LURAP1L: variants seen among roughly 807,000 people sequenced by gnomAD.
The protein encoded by LURAP1L is leucine rich adaptor protein 1-like.
A neutral mutation model predicts 13.8 loss-of-function variants in LURAP1L; 12 were observed. That is an observed-to-expected ratio of 0.87 (90% confidence interval 0.56 to 1.41). LURAP1L has a LOEUF of 1.41. LURAP1L is among the 40% of genes most tolerant of loss of function. The pLI is 0.00. For synonymous variants in LURAP1L, 139 were observed against 119.2 expected, an observed-to-expected ratio of 1.17 and a Z score of -1.08; for missense variants, 375 against 292.9, an observed-to-expected ratio of 1.28 and a Z score of -2.04.
chr9:12,780,671 C>T (rs10809843), intron 1 of LURAP1L, among the ~76,000 whole-genome samples: 117,613 of 151,932 alleles, frequency 0.77, 46,832 homozygotes, highest in Non-Finnish European at 0.88. Context: ...TGTGAACGAA[C>T]ATTTTTATAG....
intron 1 of LURAP1L, among the ~76,000 whole-genome samples, chr9:12,804,346 ATT>A (rs5896539): frequency 1.4e-5 from 2 of 141,438 alleles, no homozygotes; most frequent in African/African-American, 2.6e-5. Flanking sequence ...TTGTTATCTG[ATT>A]TTTTTTTTTT....
At chr9:12,784,009 A>G (rs981621099) in intron 1 of LURAP1L, among the ~76,000 whole-genome samples, 2 of 152,112 alleles carry the variant, frequency 1.3e-5, no homozygotes, top group African/African-American at 4.8e-5. Flanking sequence ...GTTTAGCTCC[A>G]GAATTTCAGC....
At chr9:12,793,863 A>T (rs114173555) in intron 1 of LURAP1L, among the ~76,000 whole-genome samples, 1 of 152,076 alleles carries the variant, frequency 6.6e-6, no homozygotes, top group Admixed American at 6.6e-5. Flanking sequence ...TTTAATTAAT[A>T]AATAAAATGA....
intron 1 of LURAP1L, among the ~76,000 whole-genome samples, chr9:12,781,767 T>C (rs1211604152): frequency 2.0e-5 from 3 of 152,188 alleles, no homozygotes; most frequent in African/African-American, 7.2e-5. Flanking sequence ...CTCCTGAGTA[T>C]ATACCTAGTA....
At chr9:12,821,301 C>A in intron 1 of LURAP1L, 85 bp from the exon 2 acceptor site, 1 of 1,423,076 alleles carries the variant, frequency 7.0e-7, no homozygotes, top group Non-Finnish European at 9.5e-7. Context: ...AAATTCTGAA[C>A]TGCAGCAGAC....
intron 1 of LURAP1L, 152 bp from the exon 2 acceptor site, chr9:12,821,234 G>C: frequency 2.3e-6 from 2 of 864,980 alleles, no homozygotes; most frequent in Non-Finnish European, 3.6e-6. Flanking sequence ...CCATCAGTCA[G>C]CAATTATCAA....
intron 1 of LURAP1L, among the ~76,000 whole-genome samples, chr9:12,786,544 TGAC>T (rs1240071837): frequency 2.1e-4 from 4 of 19,280 alleles, no homozygotes; most frequent in African/African-American, 9.2e-4. Flanking sequence ...TGTATATATA[TGAC>T]ATATATATAT....
chr9:12,798,822 G>T (rs1819545610), intron 1 of LURAP1L, among the ~76,000 whole-genome samples: 1 of 152,122 alleles, frequency 6.6e-6, no homozygotes, highest in African/African-American at 2.4e-5. Flanking sequence ...TTGTATTTCT[G>T]TATCAGCAAA....
At chr9:12,798,968 C>T (rs796239374) in intron 1 of LURAP1L, among the ~76,000 whole-genome samples, 21 of 152,262 alleles carry the variant, frequency 1.4e-4, no homozygotes, top group African/African-American at 4.6e-4. Flanking sequence ...TGTAGAATTG[C>T]TTCTTTCTTG....
intron 1 of LURAP1L, among the ~76,000 whole-genome samples, chr9:12,812,428 T>A (rs1819749387): frequency 6.6e-6 from 1 of 152,210 alleles, no homozygotes; most frequent in Admixed American, 6.5e-5. Context: ...AGAGATTGCT[T>A]CCTCACTTAT....
At chr9:12,786,865 T>C (rs899770474) in intron 1 of LURAP1L, among the ~76,000 whole-genome samples, 1 of 151,986 alleles carries the variant, frequency 6.6e-6, no homozygotes, top group Non-Finnish European at 1.5e-5. Flanking sequence ...TGGGAAGGCA[T>C]AGAATCAGGG....
intron 1 of LURAP1L, among the ~76,000 whole-genome samples, chr9:12,806,676 A>G (rs1296475150): frequency 2.0e-5 from 3 of 152,074 alleles, no homozygotes; most frequent in Admixed American, 1.3e-4. Context: ...AATTTTGAAA[A>G]TTTTGAAAAT....
rs142032974 is a variant in LURAP1L, at chr9:12,784,809, G to A, written c.312+8782G>A. On this transcript the variant is annotated intron_variant, in intron 1 of 1. Transcript: ENST00000319264. ...AGTTCCCTTCTGGCCCAGGGTGGGT[G>A]TAGAAATGCTGTCTGGGAGGGAGGG... 2.5e-3 allele frequency among the ~76,000 whole-genome samples: 368 copies of A among 147,582 alleles called. 1 individual carries two copies. The highest frequency in any genetic ancestry group is 8.8e-3 in the African/African-American group (353 of 39,904).
At chr9:12,785,771 G>C (rs1310351557) in intron 1 of LURAP1L, among the ~76,000 whole-genome samples, 1 of 152,184 alleles carries the variant, frequency 6.6e-6, no homozygotes, top group Non-Finnish European at 1.5e-5. Context: ...CAATACAAGA[G>C]TCTTTTCTGC....
chr9:12,776,107 G>T, intron 1 of LURAP1L, 80 bp downstream of exon 1: 10 of 1,413,458 alleles, frequency 7.1e-6, no homozygotes, highest in South Asian at 1.2e-5. Context: ...GGGGCTGGGA[G>T]AGAGGACGGC....
In LURAP1L at chr9:12,775,047, GGAA is replaced by G. The variant is rs533129792; in HGVS notation, c.-664_-662del. 23 of 152,336 alleles carry G rather than the reference GGAA, an allele frequency of 1.5e-4. No individual in the cohort carries two copies. The highest frequency in any genetic ancestry group is 5.3e-4 in the African/African-American group (22 of 41,564). 9.4% of individuals were successfully genotyped at this position (152,336 alleles called of 1,614,324 possible). ...TGACTTGGATCAAACAGCCTAAATG[GGAA>G]GAAGGACATTTTTGCTGCATCAAGG... On this transcript the variant is annotated 5_prime_UTR_variant, in exon 1 of 2. Transcript: ENST00000319264.
At position 12,821,445 on chromosome 9, in the gene LURAP1L, C is replaced by T. The variant is rs1819878852; in HGVS notation, c.372C>T (p.Ser124=). 2 of 1,614,012 alleles carry T rather than the reference C, an allele frequency of 1.2e-6. No individual in the cohort carries two copies. Among genetic ancestry groups the T allele is most frequent in the South Asian group, 2.2e-5 (2 of 91,086 alleles). ...LMRQLLVINE[S]IESIKWMIEE... ...GCCAGTTGCTTGTAATCAATGAGAGCATCGAGTCCATCAAGTGGATGATCG... is the reference window on the plus strand; with the variant it reads ...GCCAGTTGCTTGTAATCAATGAGAGTATCGAGTCCATCAAGTGGATGATCG... The change falls in exon 2 of 2, where the codon AGC becomes AGT. Residue 124 remains serine (S), a synonymous_variant. Coordinates refer to ENST00000319264, the MANE Select transcript of LURAP1L (RefSeq NM_203403.2).
chr9:12,794,887 G>C (rs1422931815), intron 1 of LURAP1L, among the ~76,000 whole-genome samples: 1 of 151,818 alleles, frequency 6.6e-6, no homozygotes, highest in Non-Finnish European at 1.5e-5. Context: ...AAGTAATACA[G>C]ATGATGTGGA....
Position 12,775,620 on chromosome 9 carries a change from C to T in LURAP1L, c.-96C>T. ...GCGGCGGAGGATAGAGACCCTGGCC[C>T]CCGGAGAGGTCTGCTGATTTCGCAG... On this transcript the variant is annotated 5_prime_UTR_variant, in exon 1 of 2. Coordinates refer to ENST00000319264, the MANE Select transcript of LURAP1L (RefSeq NM_203403.2). 1 of 1,477,100 alleles carries T rather than the reference C, an allele frequency of 6.8e-7. No homozygotes were observed. The highest frequency in any genetic ancestry group is 1.4e-5 in the African/African-American group (1 of 70,950). 91.5% of individuals were successfully genotyped at this position (1,477,100 alleles called of 1,614,324 possible).
Sources: allele counts gnomAD v4.1 joint callset (sites outside exome capture counted in the v4.1 genomes callset), GRCh38; gene constraint gnomAD v4.1.1; transcripts MANE v1.5; gene names NCBI Gene and HGNC (gene_info 2026-07-23, HGNC 2026-07-21).